Variants in CCNY observed in about 807,000 individuals in gnomAD.
The protein encoded by CCNY is cyclin-Y.
CCNY carries 19 observed loss-of-function variants against 42.8 expected under a neutral mutation model. The observed-to-expected ratio is 0.44, with a 90% CI of 0.31 to 0.65. CCNY has a LOEUF of 0.65. Ranked by LOEUF, CCNY falls within the 30% of genes least tolerant of loss-of-function variation. The probability of loss-of-function intolerance (pLI) is 0.07; values close to 1 mark genes in which losing one functional copy is unlikely to be tolerated. For missense variants in CCNY, 370 were observed against 437.3 expected (o/e 0.85, Z 1.37); for synonymous variants, 165 against 162.7 (o/e 1.01, Z -0.11).
intron 1 of CCNY, among the ~76,000 whole-genome samples, chr10:35,421,524 A>G (rs142112235): frequency 4.7e-4 from 71 of 152,254 alleles, no homozygotes; most frequent in African/African-American, 1.6e-3. Context: ...CTCACCTCCA[A>G]TTTAAGACCA....
At chr10:35,412,795 A>C (rs1419188763) in intron 1 of CCNY, among the ~76,000 whole-genome samples, 1 of 126,548 alleles carries the variant, frequency 7.9e-6, no homozygotes, top group African/African-American at 3.0e-5. Context: ...CAGGAGGCGG[A>C]GGTTGCAGTG....
At chr10:35,491,422 C>T (rs1026089006) in intron 2 of CCNY, among the ~76,000 whole-genome samples, 18 of 152,246 alleles carry the variant, frequency 1.2e-4, no homozygotes, top group African/African-American at 3.9e-4. Context: ...ATCTCTTGAG[C>T]CAGCCTCTTC....
chr10:35,385,802 G>C (rs1837289154), intron 1 of CCNY, among the ~76,000 whole-genome samples: 1 of 152,150 alleles, frequency 6.6e-6, no homozygotes, highest in South Asian at 2.1e-4. Context: ...CCTCTTCCAC[G>C]AATGAGATAT....
At chr10:35,292,496 G>C (rs1295437058) in intron 3 of CCNY, among the ~76,000 whole-genome samples, 1 of 152,084 alleles carries the variant, frequency 6.6e-6, no homozygotes, top group Non-Finnish European at 1.5e-5. Context: ...GAGTAGCTGG[G>C]ATTACAGGCG....
intron 4 of CCNY, among the ~76,000 whole-genome samples, chr10:35,520,119 T>G (rs574652455): frequency 6.6e-6 from 1 of 152,272 alleles, no homozygotes; most frequent in East Asian, 1.9e-4. Flanking sequence ...TGGGACCAAC[T>G]GAAGTAGAGC....
intron 3 of CCNY, among the ~76,000 whole-genome samples, chr10:35,280,640 A>G (rs185298226): frequency 3.3e-4 from 50 of 152,354 alleles, no homozygotes; most frequent in East Asian, 1.3e-3. Flanking sequence ...AGGAGCCCAA[A>G]ATACAAACCT....
chr10:35,567,680 G>A (rs1004174000), intron 9 of CCNY, among the ~76,000 whole-genome samples: 1 of 152,140 alleles, frequency 6.6e-6, no homozygotes, highest in African/African-American at 2.4e-5. Flanking sequence ...ACCTGTTATG[G>A]ATTACACGCT....
chr10:35,340,106 A>G (rs1052929949), intron 1 of CCNY, among the ~76,000 whole-genome samples: 3 of 152,222 alleles, frequency 2.0e-5, no homozygotes, highest in East Asian at 1.9e-4. Flanking sequence ...CAGTAACCCT[A>G]TGGGTAATAT....
chr10:35,325,219 C>T (rs1835865398), intron 3 of CCNY, among the ~76,000 whole-genome samples: 1 of 152,202 alleles, frequency 6.6e-6, no homozygotes, highest in Non-Finnish European at 1.5e-5. Flanking sequence ...CACTCTGTCA[C>T]CCAGGCTGGA....
intron 1 of CCNY, among the ~76,000 whole-genome samples, chr10:35,414,144 C>T (rs114650842): frequency 0.011 from 1,677 of 152,320 alleles, 40 homozygotes; most frequent in African/African-American, 0.039. Flanking sequence ...CACACATTGA[C>T]TCTATCACAG....
At chr10:35,518,214 C>G (rs1840469058) in intron 4 of CCNY, among the ~76,000 whole-genome samples, 1 of 152,218 alleles carries the variant, frequency 6.6e-6, no homozygotes, top group Non-Finnish European at 1.5e-5. Context: ...TTTGATAGTT[C>G]ATCGGTCAAC....
intron 1 of CCNY, among the ~76,000 whole-genome samples, chr10:35,342,532 T>G (rs1039786506): frequency 6.6e-5 from 10 of 152,204 alleles, no homozygotes; most frequent in African/African-American, 2.4e-4. Context: ...TCTCTTTCAC[T>G]TAGAATCAGG....
intron 7 of CCNY, among the ~76,000 whole-genome samples, chr10:35,548,996 A>G (rs1334150423): frequency 6.6e-6 from 1 of 152,180 alleles, no homozygotes; most frequent in Non-Finnish European, 1.5e-5. Context: ...CAGAAAAGTA[A>G]TCTGAACACA....
chr10:35,497,126 C>T (rs1237706425), intron 2 of CCNY, among the ~76,000 whole-genome samples: 1 of 152,110 alleles, frequency 6.6e-6, no homozygotes, highest in Non-Finnish European at 1.5e-5. Context: ...ATTTATGATC[C>T]ATATCAATTT....
intron 1 of CCNY, among the ~76,000 whole-genome samples, chr10:35,342,267 C>T (rs1320492106): frequency 6.6e-6 from 1 of 152,226 alleles, no homozygotes; most frequent in Non-Finnish European, 1.5e-5. Flanking sequence ...ATCACCTCTG[C>T]AGCACTCTTT....
chr10:35,529,189 C>A (rs1202929816), intron 5 of CCNY, among the ~76,000 whole-genome samples: 1 of 152,078 alleles, frequency 6.6e-6, no homozygotes, highest in Non-Finnish European at 1.5e-5. Context: ...TTATCTGTCA[C>A]CTGTTGTTTT....
chr10:35,324,010 T>A (rs1249912468), intron 3 of CCNY, among the ~76,000 whole-genome samples: 2 of 137,242 alleles, frequency 1.5e-5, no homozygotes, highest in Non-Finnish European at 3.1e-5. Context: ...ACAGTGAGAC[T>A]TTGCCTCAAA....
At chr10:35,257,602 T>C (rs1172349896) in intron 3 of CCNY, among the ~76,000 whole-genome samples, 1 of 152,174 alleles carries the variant, frequency 6.6e-6, no homozygotes, top group Non-Finnish European at 1.5e-5. Flanking sequence ...CTGGGAGAAA[T>C]GTGCTGACAG....
intron 1 of CCNY, 71 bp from the exon 2 acceptor site, chr10:35,483,333 A>G (rs1589151097): frequency 9.9e-7 from 1 of 1,009,900 alleles, no homozygotes; most frequent in East Asian, 2.5e-5. Context: ...TTGAAAAATA[A>G]TTGAGTCAAT....
Sources: allele counts gnomAD v4.1 joint callset (sites outside exome capture counted in the v4.1 genomes callset), GRCh38; gene constraint gnomAD v4.1.1; transcripts MANE v1.5; gene names NCBI Gene and HGNC (gene_info 2026-07-23, HGNC 2026-07-21).